Variants in ARB2A observed in about 807,000 individuals in gnomAD.
ARB2A encodes the protein cotranscriptional regulator ARB2A.
the ARB2A span, chr5:94,053,098 TAG>T: frequency 3.2e-6 from 4 of 1,257,830 alleles, no homozygotes; most frequent in Non-Finnish European, 3.4e-6. Flanking sequence ...GATAGATAGA[TAG>T]ATAGATAGAT....
the ARB2A span, among the ~76,000 whole-genome samples, chr5:93,844,493 C>T: frequency 6.6e-6 from 1 of 151,780 alleles, no homozygotes; most frequent in Non-Finnish European, 1.5e-5. Flanking sequence ...GAATTCTATA[C>T]CCAGCCAAAA....
At chr5:93,927,750 T>C in the ARB2A span, among the ~76,000 whole-genome samples, 95 of 152,248 alleles carry the variant, frequency 6.2e-4, no homozygotes, top group African/African-American at 2.2e-3. Flanking sequence ...TATTAGAGAA[T>C]TGACAAACTG....
the ARB2A span, among the ~76,000 whole-genome samples, chr5:93,967,737 T>C: frequency 6.6e-6 from 1 of 152,124 alleles, no homozygotes; most frequent in Non-Finnish European, 1.5e-5. Context: ...AGCTCTCTAT[T>C]GTCTTTAACA....
chr5:93,979,255 T>G, the ARB2A span, among the ~76,000 whole-genome samples: 1 of 152,160 alleles, frequency 6.6e-6, no homozygotes, highest in Non-Finnish European at 1.5e-5. Flanking sequence ...ATGACCTGAT[T>G]TAAAATGTGT....
the ARB2A span, among the ~76,000 whole-genome samples, chr5:93,685,370 GA>G: frequency 1.3e-5 from 2 of 152,072 alleles, no homozygotes; most frequent in African/African-American, 4.8e-5. Flanking sequence ...AGTGGGTGAA[GA>G]AAGGAAGGAT....
At chr5:93,728,202 A>C in the ARB2A span, among the ~76,000 whole-genome samples, 1 of 152,050 alleles carries the variant, frequency 6.6e-6, no homozygotes, top group South Asian at 2.1e-4. Context: ...TTTCAGAATG[A>C]TTCTGACCAG....
At chr5:94,073,664 A>G in the ARB2A span, among the ~76,000 whole-genome samples, 1 of 152,116 alleles carries the variant, frequency 6.6e-6, no homozygotes, top group African/African-American at 2.4e-5. Flanking sequence ...GTCTATTTAG[A>G]CAGAAACTGT....
the ARB2A span, among the ~76,000 whole-genome samples, chr5:93,874,714 T>C: frequency 6.6e-6 from 1 of 152,152 alleles, no homozygotes; most frequent in African/African-American, 2.4e-5. Flanking sequence ...CCAGGACTTG[T>C]GACTGGTGTC....
chr5:93,881,054 G>A, the ARB2A span, among the ~76,000 whole-genome samples: 1 of 151,614 alleles, frequency 6.6e-6, no homozygotes, highest in Admixed American at 6.6e-5. Flanking sequence ...CAGGTGATAT[G>A]TCTTAGAATT....
At chr5:93,726,936 G>A in the ARB2A span, among the ~76,000 whole-genome samples, 3 of 151,960 alleles carry the variant, frequency 2.0e-5, no homozygotes, top group African/African-American at 7.2e-5. Flanking sequence ...CCATGTAAAT[G>A]CTGTAGATCA....
chr5:93,900,041 C>CT, the ARB2A span, among the ~76,000 whole-genome samples: 1 of 152,038 alleles, frequency 6.6e-6, no homozygotes, highest in Non-Finnish European at 1.5e-5. Context: ...ATGACATATA[C>CT]TTAGTGATTA....
the ARB2A span, among the ~76,000 whole-genome samples, chr5:94,030,142 C>A: frequency 6.6e-6 from 1 of 152,214 alleles, no homozygotes; most frequent in Non-Finnish European, 1.5e-5. Context: ...AGCTACACAA[C>A]TCGAGATTTG....
chr5:93,881,098 ATAACGGCATGTTATGCTGATGC>A, the ARB2A span, among the ~76,000 whole-genome samples: 1 of 151,690 alleles, frequency 6.6e-6, no homozygotes, highest in Non-Finnish European at 1.5e-5. Flanking sequence ...TATGGACAAC[ATAACGGCATGTTATGCTGATGC>A]TATGTTTCCT....
the ARB2A span, among the ~76,000 whole-genome samples, chr5:93,779,132 C>T: frequency 1.3e-4 from 18 of 135,370 alleles, no homozygotes; most frequent in African/African-American, 3.7e-4. Flanking sequence ...TGTGCGCGCG[C>T]GCGCGCACGT....
At chr5:94,006,057 T>C in the ARB2A span, among the ~76,000 whole-genome samples, 1 of 152,202 alleles carries the variant, frequency 6.6e-6, no homozygotes, top group Non-Finnish European at 1.5e-5. Context: ...AATATACTCT[T>C]AGCCTGACAA....
the ARB2A span, chr5:93,862,782 A>G: frequency 1.3e-5 from 2 of 152,188 alleles, no homozygotes; most frequent in African/African-American, 4.8e-5. Flanking sequence ...TTAGAATTTA[A>G]CAGAATCTTG....
chr5:93,801,763 C>G, the ARB2A span, among the ~76,000 whole-genome samples: 1 of 152,020 alleles, frequency 6.6e-6, no homozygotes, highest in Non-Finnish European at 1.5e-5. Context: ...GCAGGCCATG[C>G]ATGAAGCGGG....
chr5:93,808,177 G>A, the ARB2A span, among the ~76,000 whole-genome samples: 4 of 151,916 alleles, frequency 2.6e-5, no homozygotes, highest in Non-Finnish European at 5.9e-5. Flanking sequence ...TACTGCCCGC[G>A]AATTCTTAAA....
At chr5:94,079,972 T>C in the ARB2A span, among the ~76,000 whole-genome samples, 1 of 152,178 alleles carries the variant, frequency 6.6e-6, no homozygotes, top group Non-Finnish European at 1.5e-5. Context: ...GACGGGAATA[T>C]AAAATCTTAG....
Sources: allele counts gnomAD v4.1 joint callset (sites outside exome capture counted in the v4.1 genomes callset), GRCh38; gene constraint gnomAD v4.1.1; transcripts MANE v1.5; gene names NCBI Gene and HGNC (gene_info 2026-07-23, HGNC 2026-07-21).